Variants in SLC12A2 observed in about 807,000 individuals in gnomAD.
SLC12A2 encodes solute carrier family 12 member 2.
In SLC12A2, 67 loss-of-function variants were observed where a neutral mutation model predicts 136.3. The observed-to-expected ratio is 0.49, with a 90% CI of 0.40 to 0.60. The LOEUF is 0.60. SLC12A2 is among the 20% of genes least tolerant of loss of function. The probability of loss-of-function intolerance (pLI) is 0.00; values close to 1 mark genes in which losing one functional copy is unlikely to be tolerated. For missense variants in SLC12A2, 1,322 were observed against 1,534.7 expected (o/e 0.86, Z 2.32); for synonymous variants, 619 against 562.9 (o/e 1.10, Z -1.41).
rs1278588481 is a variant in SLC12A2, at chr5:128,130,684, CA to C, written c.1049-373del. ...GCGACAGTGAAACTGTTTCTGAAAACAAAAAAAAAAGCATAAAAATAAAAGT... is the reference window on the plus strand; with the variant it reads ...GCGACAGTGAAACTGTTTCTGAAAACAAAAAAAAAGCATAAAAATAAAAGT... On this transcript the variant is annotated intron_variant, in intron 4 of 26. Coordinates refer to ENST00000262461, the MANE Select transcript of SLC12A2 (RefSeq NM_001046.3). Among the ~76,000 whole-genome samples, 41 of 141,626 alleles carry C rather than the reference CA, an allele frequency of 2.9e-4. 1 individual carries two copies. The highest frequency in any genetic ancestry group is 3.9e-4 in the African/African-American group (15 of 38,836). 92.9% of individuals were successfully genotyped at this position (141,626 alleles called of 152,430 possible).
intron 22 of SLC12A2, among the ~76,000 whole-genome samples, chr5:128,179,033 G>A (rs563667033): frequency 6.6e-6 from 1 of 152,286 alleles, no homozygotes; most frequent in East Asian, 1.9e-4. Context: ...CAGAAGTGAT[G>A]CTGTGCTCTT....
At chr5:128,144,386 T>C (rs1333553909) in intron 10 of SLC12A2, among the ~76,000 whole-genome samples, 1 of 152,124 alleles carries the variant, frequency 6.6e-6, no homozygotes, top group Non-Finnish European at 1.5e-5. Context: ...AGGACATAAA[T>C]GAGGAGTATG....
At chr5:128,158,733 T>C (rs1042340987) in intron 16 of SLC12A2, among the ~76,000 whole-genome samples, 2 of 152,212 alleles carry the variant, frequency 1.3e-5, no homozygotes, top group Admixed American at 6.5e-5. Context: ...ATGGGATTGC[T>C]GAGTCGAATG....
intron 15 of SLC12A2, among the ~76,000 whole-genome samples, chr5:128,154,028 CA>C (rs1317790204): frequency 1.4e-5 from 2 of 139,736 alleles, no homozygotes; most frequent in African/African-American, 5.3e-5. Context: ...AGAGTATGAC[CA>C]AAAGCCTATG....
At chr5:128,093,025 CCTTACCTTTTA>C (rs1760394829) in intron 1 of SLC12A2, among the ~76,000 whole-genome samples, 1 of 152,122 alleles carries the variant, frequency 6.6e-6, no homozygotes, top group African/African-American at 2.4e-5. Context: ...GTCTTTCCTT[CCTTACCTTTTA>C]CTCAAACTGC....
In SLC12A2 at chr5:128,184,554, A is replaced by G; in HGVS notation, c.3435+53A>G. On this transcript the variant is annotated intron_variant, in intron 25 of 26. Transcript: ENST00000262461. ...ATCTTTTATATAATAAAAGACATGA[A>G]AACCAAGAACTTTAATTTGATATAG... The G allele has an allele frequency of 4.1e-6, 6 of 1,465,786 alleles. No individual in the cohort carries two copies. The East Asian group carries it at 1.2e-4, about 29-fold the overall frequency. The allele number at this position is 1,465,786 out of a possible 1,614,324, so 90.8% of individuals were successfully genotyped here.
chr5:128,106,336 C>T (rs1184233217), intron 1 of SLC12A2, among the ~76,000 whole-genome samples: 1 of 152,080 alleles, frequency 6.6e-6, no homozygotes, highest in Non-Finnish European at 1.5e-5. Flanking sequence ...TAATTGCACA[C>T]TTGAACCTCC....
At chr5:128,097,871 T>A (rs958715420) in intron 1 of SLC12A2, among the ~76,000 whole-genome samples, 2 of 152,086 alleles carry the variant, frequency 1.3e-5, no homozygotes, top group African/African-American at 4.8e-5. Flanking sequence ...GTAATGGAGG[T>A]CAGTTGGCAA....
At chr5:128,176,141 C>G (rs1045458546) in intron 20 of SLC12A2, among the ~76,000 whole-genome samples, 5 of 152,028 alleles carry the variant, frequency 3.3e-5, no homozygotes, top group African/African-American at 1.2e-4. Flanking sequence ...AAGCATACAT[C>G]ATGCAAGAAG....
intron 1 of SLC12A2, among the ~76,000 whole-genome samples, chr5:128,095,025 ATTCT>A (rs1344541627): frequency 1.3e-5 from 2 of 152,086 alleles, no homozygotes; most frequent in Non-Finnish European, 2.9e-5. Flanking sequence ...TCCTTCATTC[ATTCT>A]TTCTTTTCTT....
intron 5 of SLC12A2, among the ~76,000 whole-genome samples, chr5:128,131,810 A>G (rs1409734814): frequency 6.6e-6 from 1 of 152,092 alleles, no homozygotes; most frequent in East Asian, 1.9e-4. Context: ...GTTTGAGACC[A>G]CCCTGACCAA....
At chr5:128,116,512 C>A (rs767430278) in intron 4 of SLC12A2, among the ~76,000 whole-genome samples, 1 of 151,642 alleles carries the variant, frequency 6.6e-6, no homozygotes, top group Non-Finnish European at 1.5e-5. Flanking sequence ...CCACACAGAT[C>A]TGTCCCAAAA....
rs552237088 is a variant in SLC12A2, at chr5:128,136,505, C to G, written c.1408+697C>G. Among the ~76,000 whole-genome samples the G allele has an allele frequency of 3.3e-5, 5 of 152,222 alleles. No individual in the cohort carries two copies. The South Asian group carries it at 1.0e-3, about 32-fold the overall frequency. Reference sequence around the variant, plus strand: ...GAATACTCTGAGACTGTTCATAGCCCTGTCAAACTTCTACCAAATGGCTTC... The same window carrying G: ...GAATACTCTGAGACTGTTCATAGCCGTGTCAAACTTCTACCAAATGGCTTC... On this transcript the variant is annotated intron_variant, in intron 7 of 26. Coordinates refer to ENST00000262461, the MANE Select transcript of SLC12A2 (RefSeq NM_001046.3).
rs1763906804 is a variant in SLC12A2, at chr5:128,187,538, A to C, written c.*907A>C. ...AGATTTTTCTGGAGGAAATTTAGAC[A>C]AAACAATGTCATTTAGTAGAATATT... On this transcript the variant is annotated 3_prime_UTR_variant, in exon 27 of 27. Coordinates refer to ENST00000262461, the MANE Select transcript of SLC12A2 (RefSeq NM_001046.3). 6.6e-6 allele frequency: 1 copy of C among 152,192 alleles called. No homozygotes were observed. The highest frequency in any genetic ancestry group is 1.5e-5 in the Non-Finnish European group (1 of 68,016). 9.4% of individuals were successfully genotyped at this position (152,192 alleles called of 1,614,324 possible). A position where few individuals can be genotyped will look rare whatever the true frequency, so the allele number is the denominator to read the frequency against.
chr5:128,115,663 C>G (rs1243632294), intron 4 of SLC12A2, among the ~76,000 whole-genome samples: 1 of 152,154 alleles, frequency 6.6e-6, no homozygotes, highest in Non-Finnish European at 1.5e-5. Context: ...AAAATGTCTG[C>G]CAGCACCTGT....
chr5:128,133,776 A>T lies in SLC12A2; in HGVS notation c.1189-389A>T, dbSNP rs1158941123. ...AGTTGTGCTTATCACTTACTCTCTC[A>T]CAGTATAAAAGACCTTTAAAAGCAT... On this transcript the variant is annotated intron_variant, in intron 5 of 26. Coordinates refer to ENST00000262461, the MANE Select transcript of SLC12A2 (RefSeq NM_001046.3). Among the ~76,000 whole-genome samples, 6 of 152,092 alleles carry T rather than the reference A, an allele frequency of 3.9e-5. No homozygotes were observed. The East Asian group carries it at 1.2e-3, about 29-fold the overall frequency.
chr5:128,171,644 A>G, intron 18 of SLC12A2, 23 bp from the exon 19 acceptor site: 1 of 1,522,592 alleles, frequency 6.6e-7, no homozygotes, highest in East Asian at 2.3e-5. Context: ...TGGTTTTTTC[A>G]TTTTTTGTTT....
intron 1 of SLC12A2, among the ~76,000 whole-genome samples, chr5:128,106,219 G>T (rs1453726028): frequency 2.0e-5 from 3 of 152,082 alleles, no homozygotes; most frequent in Non-Finnish European, 4.4e-5. Context: ...TTATCCATTA[G>T]TGTGGAATAT....
chr5:128,101,618 T>C (rs751337086), intron 1 of SLC12A2, among the ~76,000 whole-genome samples: 3 of 152,222 alleles, frequency 2.0e-5, no homozygotes, highest in Non-Finnish European at 4.4e-5. Context: ...TGGCTGTCAT[T>C]AACCATTATT....
Sources: gnomAD v4.1 joint callset for allele counts (sites outside exome capture counted in the v4.1 genomes callset) on GRCh38, gnomAD v4.1.1 for gene constraint, MANE v1.5 for transcripts, NCBI Gene and HGNC (gene_info 2026-07-23, HGNC 2026-07-21) for gene names.